Variants in PTPN4 observed in about 807,000 individuals in gnomAD.
PTPN4 encodes protein tyrosine phosphatase non-receptor type 4, also known as tyrosine-protein phosphatase non-receptor type 4.
PTPN4 carries 49 observed loss-of-function variants against 135.5 expected under a neutral mutation model. That is an observed-to-expected ratio of 0.36 (90% CI 0.29 to 0.46). The LOEUF (loss-of-function observed/expected upper bound fraction) is 0.46, where lower values mean the gene tolerates loss of function less well. Among genes scored for constraint, PTPN4 ranks in the 20% least tolerant of loss-of-function variants. The pLI, the probability that PTPN4 is intolerant of heterozygous loss-of-function variation, is 1.00. For synonymous variants in PTPN4, 333 were observed against 369.9 expected, an observed-to-expected ratio of 0.90 and a Z score of 1.14; for missense variants, 860 against 1,101.0, an observed-to-expected ratio of 0.78 and a Z score of 3.10.
At chr2:119,891,488 A>C (rs540089676) in intron 9 of PTPN4, among the ~76,000 whole-genome samples, 1 of 152,090 alleles carries the variant, frequency 6.6e-6, no homozygotes, top group African/African-American at 2.4e-5. Context: ...ATGCCTGGCT[A>C]ATTTTTTTTT....
At chr2:119,855,812 A>T (rs3111718) in intron 2 of PTPN4, among the ~76,000 whole-genome samples, 49,790 of 150,208 alleles carry the variant, frequency 0.33, 8,993 homozygotes, top group African/African-American at 0.49. Flanking sequence ...ATTTATTATT[A>T]TTTTTTTTTG....
chr2:119,971,566 T>G (rs2105065910), intron 26 of PTPN4, among the ~76,000 whole-genome samples: 1 of 152,380 alleles, frequency 6.6e-6, no homozygotes, highest in East Asian at 1.9e-4. Flanking sequence ...TTATGTTTTC[T>G]GGATAAAAGT....
intron 3 of PTPN4, among the ~76,000 whole-genome samples, chr2:119,876,170 T>TA (rs1412422624): frequency 1.3e-5 from 2 of 152,166 alleles, no homozygotes; most frequent in African/African-American, 4.8e-5. Context: ...ATACAAGCTG[T>TA]AGTGTAAGGA....
At position 119,877,465 on chromosome 2, in the gene PTPN4, A is replaced by C; in HGVS notation, c.291A>C (p.Arg97Ser). The change falls in exon 5 of 27, where the codon AGA (arginine) becomes AGC (serine). Residue 97 changes from arginine (R) to serine (S), a missense_variant and splice_region_variant. Transcript: ENST00000263708. Reference sequence around the variant, plus strand: ...TAGAACTACTTTTATTAATTCTAGGAGGATCTCCTTACAGTTTGAACTTTA... The same window carrying C: ...TAGAACTACTTTTATTAATTCTAGGCGGATCTCCTTACAGTTTGAACTTTA... ...PNKPIRKQLK[R>S]GSPYSLNFRV... is the part of the protein sequence containing the mutation. 6.2e-7 allele frequency: 1 copy of C among 1,609,776 alleles called. No individual in the cohort carries two copies. The highest frequency in any genetic ancestry group is 8.5e-7 in the Non-Finnish European group (1 of 1,178,674).
intron 19 of PTPN4, among the ~76,000 whole-genome samples, chr2:119,952,696 T>C (rs1679227169): frequency 6.6e-6 from 1 of 152,240 alleles, no homozygotes; most frequent in Non-Finnish European, 1.5e-5. Context: ...TGATGTCTAC[T>C]TGCCTAATCA....
At position 119,816,328 on chromosome 2, in the gene PTPN4, G is replaced by A. The variant is rs115277464; in HGVS notation, c.138+6337G>A. 3.2e-3 allele frequency among the ~76,000 whole-genome samples: 493 copies of A among 152,288 alleles called. 2 individuals are homozygous for A. The highest frequency in any genetic ancestry group is 0.011 in the African/African-American group (466 of 41,554). On this transcript the variant is annotated intron_variant, in intron 2 of 26. Transcript: ENST00000263708. ...GTTACTTAGGAGGCTGCGGTGGAAG[G>A]ATTGTTTGAACCCAGGAGTTTGAGT... is the stretch of plus-strand genomic sequence containing the variant.
rs997921537 is a variant in PTPN4 at position 119,952,049 on chromosome 2, C to G, written c.1733C>G (p.Thr578Ser). The G allele has an allele frequency of 4.3e-6, 7 of 1,613,268 alleles. No individual in the cohort carries two copies. Among genetic ancestry groups the G allele is most frequent in the Non-Finnish European group, 5.9e-6 (7 of 1,179,410 alleles). The change falls in exon 19 of 27, where the codon ACT becomes AGT. Residue 578 changes from threonine to serine, a missense_variant. This residue lies in a region of PTPN4 where 684 missense variants were observed against 807.0 expected (regional missense o/e 0.85). Transcript: ENST00000263708. The stretch of plus-strand genomic sequence containing the variant: ...AATGGTCGGGACATTGCAGAACACA[C>G]TCATGATCAGGTTGTGCTGTTTATT... Reference protein sequence around the residue: ...LINGRDIAEHTHDQVVLFIKA... With the variant: ...LINGRDIAEHSHDQVVLFIKA...
chr2:119,932,692 T>C, intron 14 of PTPN4, 143 bp downstream of exon 14: 2 of 994,640 alleles, frequency 2.0e-6, no homozygotes, highest in East Asian at 5.3e-5. Flanking sequence ...TCCAGAGCAT[T>C]ATTTTCTCTT....
intron 7 of PTPN4, 151 bp from the exon 8 acceptor site, chr2:119,882,352 T>A: frequency 1.0e-6 from 1 of 1,000,356 alleles, no homozygotes; most frequent in Non-Finnish European, 1.4e-6. Context: ...CCAAGAAGAA[T>A]GTTAAATGGA....
chr2:119,947,762 C>CCACACACACACA (rs3084728), intron 18 of PTPN4, among the ~76,000 whole-genome samples: 64 of 147,238 alleles, frequency 4.3e-4, no homozygotes, highest in African/African-American at 8.7e-4. Context: ...AACACCACTA[C>CCACACACACACA]CACACACACA....
At chr2:119,883,985 C>T (rs1434545118) in intron 8 of PTPN4, among the ~76,000 whole-genome samples, 1 of 152,208 alleles carries the variant, frequency 6.6e-6, no homozygotes, top group African/African-American at 2.4e-5. Flanking sequence ...CTGCAAGCTC[C>T]GCCTCCCGGG....
At chr2:119,937,971 G>C (rs1240317971) in intron 15 of PTPN4, among the ~76,000 whole-genome samples, 1 of 150,480 alleles carries the variant, frequency 6.6e-6, no homozygotes, top group Non-Finnish European at 1.5e-5. Flanking sequence ...AAAAAAAAAA[G>C]GTCAGAGTTT....
chr2:119,904,138 T>C (rs1678449836), intron 10 of PTPN4, among the ~76,000 whole-genome samples: 1 of 151,480 alleles, frequency 6.6e-6, no homozygotes, highest in Non-Finnish European at 1.5e-5. Flanking sequence ...ATTAAAGAAA[T>C]GCAATGATAT....
intron 1 of PTPN4, among the ~76,000 whole-genome samples, chr2:119,768,303 C>A (rs1452817362): frequency 6.6e-6 from 1 of 152,078 alleles, no homozygotes; most frequent in Non-Finnish European, 1.5e-5. Context: ...TCTTAATACT[C>A]TCCTATCCCA....
rs1222981671 is a variant in PTPN4, at chr2:119,983,849, G to A, written c.*6779G>A. The stretch of plus-strand genomic sequence containing the variant: ...AGTTCTCACAGCTAGTTTCATCTAA[G>A]CTTGGTTTATTATCATTTCTGCTTT... On this transcript the variant is annotated 3_prime_UTR_variant, in exon 27 of 27. Coordinates refer to ENST00000263708, the MANE Select transcript of PTPN4 (RefSeq NM_002830.4). The A allele has an allele frequency of 1.3e-5, 2 of 152,130 alleles. No individual in the cohort carries two copies. The highest frequency in any genetic ancestry group is 2.9e-5 in the Non-Finnish European group (2 of 68,012). 9.4% of individuals were successfully genotyped at this position (152,130 alleles called of 1,614,324 possible).
At chr2:119,931,506 T>C (rs1678907470) in intron 13 of PTPN4, among the ~76,000 whole-genome samples, 1 of 147,388 alleles carries the variant, frequency 6.8e-6, no homozygotes, top group South Asian at 2.2e-4. Context: ...GCAGTGGTGC[T>C]ATCACAGCTC....
intron 1 of PTPN4, among the ~76,000 whole-genome samples, chr2:119,773,691 G>A (rs1271046414): frequency 1.4e-5 from 2 of 146,174 alleles, no homozygotes; most frequent in South Asian, 2.1e-4. Context: ...AGCCGAGATC[G>A]CACCACTGCA....
chr2:119,777,057 A>G (rs1340448031), intron 1 of PTPN4, among the ~76,000 whole-genome samples: 3 of 152,210 alleles, frequency 2.0e-5, no homozygotes, highest in Non-Finnish European at 4.4e-5. Flanking sequence ...ACTGTGGCCA[A>G]AAAAGCCCTA....
intron 26 of PTPN4, among the ~76,000 whole-genome samples, chr2:119,973,655 GTTTTTTTTTTTTTTTT>G (rs70949378): frequency 2.6e-5 from 1 of 38,394 alleles, no homozygotes; most frequent in African/African-American, 1.3e-4. Context: ...TTCATTTCTT[GTTTTTTTTTTTTTTTT>G]TTTTTTTTTT....
Sources: gnomAD v4.1 joint callset for allele counts (sites outside exome capture counted in the v4.1 genomes callset) on GRCh38, gnomAD v4.1.1 for gene constraint, gnomAD v4.1.1 regional missense constraint, MANE v1.5 for transcripts, NCBI Gene and HGNC (gene_info 2026-07-23, HGNC 2026-07-21) for gene names.